The following HHAT variants were observed in gnomAD, a reference collection of about 807,000 sequenced individuals.
HHAT encodes protein-cysteine N-palmitoyltransferase HHAT.
A neutral mutation model predicts 70.8 loss-of-function variants in HHAT; 47 were observed. The observed-to-expected ratio is 0.66, with a 90% confidence interval of 0.53 to 0.85. The LOEUF (loss-of-function observed/expected upper bound fraction) is 0.85, where lower values mean the gene tolerates loss of function less well. HHAT is among the 40% of genes least tolerant of loss of function. The pLI is 0.00. For synonymous variants in HHAT, 228 were observed against 247.6 expected (o/e 0.92, Z 0.74); for missense variants, 609 against 604.8 (o/e 1.01, Z -0.07).
chr1:210,541,933 T>C (rs1196339490), intron 9 of HHAT, among the ~76,000 whole-genome samples: 3 of 152,148 alleles, frequency 2.0e-5, no homozygotes, highest in Non-Finnish European at 4.4e-5. Context: ...GTTTCTGCAC[T>C]GGCCAGGGAG....
chr1:210,366,469 A>C (rs568196942), intron 3 of HHAT, among the ~76,000 whole-genome samples: 108 of 152,264 alleles, frequency 7.1e-4, no homozygotes, highest in Non-Finnish European at 1.3e-3. Context: ...TAAAAATACA[A>C]AAATTACAGC....
intron 9 of HHAT, among the ~76,000 whole-genome samples, chr1:210,525,680 A>G (rs12402332): frequency 0.019 from 2,845 of 152,338 alleles, 39 homozygotes; most frequent in Non-Finnish European, 0.026. Context: ...ATTGAGATGC[A>G]TAATTTAGTT....
chr1:210,586,298 G>GGT (rs1660428006), intron 9 of HHAT, among the ~76,000 whole-genome samples: 1 of 152,086 alleles, frequency 6.6e-6, no homozygotes, highest in East Asian at 1.9e-4. Flanking sequence ...AAATTAGCTG[G>GGT]GTGTGGTGGT....
At chr1:210,443,061 A>G (rs551903113) in intron 7 of HHAT, among the ~76,000 whole-genome samples, 3 of 152,320 alleles carry the variant, frequency 2.0e-5, no homozygotes, top group Admixed American at 1.3e-4. Flanking sequence ...CTTCCTACAT[A>G]TGGCTAGCCA....
chr1:210,574,281 C>T (rs1286517360), intron 9 of HHAT, among the ~76,000 whole-genome samples: 1 of 152,110 alleles, frequency 6.6e-6, no homozygotes, highest in African/African-American at 2.4e-5. Flanking sequence ...TGGCCAGGAG[C>T]CTTCTGTGGC....
intron 8 of HHAT, among the ~76,000 whole-genome samples, chr1:210,512,555 A>G (rs1283268836): frequency 1.3e-5 from 2 of 151,274 alleles, no homozygotes; most frequent in Non-Finnish European, 1.5e-5. Context: ...ACCTGTAGTC[A>G]CAGCTACTCT....
chr1:210,673,157 G>T (rs1025934358), intron 11 of HHAT, among the ~76,000 whole-genome samples: 40 of 152,226 alleles, frequency 2.6e-4, no homozygotes, highest in East Asian at 1.9e-4. Context: ...CCTCTTGGCT[G>T]CTGGCGCCTT....
At chr1:210,402,854 T>TC (rs1190849025) in intron 5 of HHAT, among the ~76,000 whole-genome samples, 1 of 152,190 alleles carries the variant, frequency 6.6e-6, no homozygotes, top group Admixed American at 6.5e-5. Context: ...GTGCCCTGCA[T>TC]CAACACAGTG....
At chr1:210,662,553 C>T (rs1314456825) in intron 11 of HHAT, among the ~76,000 whole-genome samples, 1 of 152,196 alleles carries the variant, frequency 6.6e-6, no homozygotes, top group Non-Finnish European at 1.5e-5. Context: ...TGTGTTATGA[C>T]TGTGCAGCCT....
rs2148994334 is a variant in HHAT, at chr1:210,675,471, T to C, written c.*1092T>C. 1 of 152,262 alleles carries C rather than the reference T, an allele frequency of 6.6e-6. No homozygotes were observed. 9.4% of individuals were successfully genotyped at this position (152,262 alleles called of 1,614,324 possible). On this transcript the variant is annotated 3_prime_UTR_variant, in exon 12 of 12. Coordinates refer to ENST00000261458, the MANE Select transcript of HHAT (RefSeq NM_018194.6). ...AAGACTTGTTTGAATTTGGATTTTTTTTTTTTTTGGAGTGGGGAAGGGTAT... is the reference window on the plus strand; with the variant it reads ...AAGACTTGTTTGAATTTGGATTTTTCTTTTTTTTGGAGTGGGGAAGGGTAT...
chr1:210,588,017 G>A lies in HHAT; in HGVS notation c.1163G>A (p.Trp388Ter). 5.6e-6 allele frequency: 9 copies of A among 1,614,018 alleles called. No individual in the cohort carries two copies. The highest frequency in any genetic ancestry group is 7.6e-6 in the Non-Finnish European group (9 of 1,179,984). Residue 388 changes from tryptophan to a stop codon, truncating the protein, a stop_gained, in exon 10 of 12, where the codon TGG becomes TAG. Coordinates refer to ENST00000261458, the MANE Select transcript of HHAT (RefSeq NM_018194.6). LOFTEE classifies it high-confidence loss of function. ...GGCGGCTACGACTACCTCTGGTGCT[G>A]GGCAGCGCTCAACTGGCTGGGAGTC... ...WHGGYDYLWC[W>*]AALNWLGVTV...
chr1:210,330,654 C>T (rs1409363062), intron 1 of HHAT, among the ~76,000 whole-genome samples: 1 of 152,090 alleles, frequency 6.6e-6, no homozygotes, highest in Non-Finnish European at 1.5e-5. Flanking sequence ...ATGGGCCTTA[C>T]CTGCACCCCC....
At chr1:210,472,374 T>C (rs761490683) in intron 8 of HHAT, among the ~76,000 whole-genome samples, 5 of 151,990 alleles carry the variant, frequency 3.3e-5, no homozygotes, top group Admixed American at 1.3e-4. Flanking sequence ...AGCAAGTGAG[T>C]GGTGGAGCTG....
intron 9 of HHAT, among the ~76,000 whole-genome samples, chr1:210,565,386 C>T (rs967611000): frequency 2.0e-5 from 3 of 152,148 alleles, no homozygotes; most frequent in East Asian, 1.9e-4. Flanking sequence ...CTGGCATGTT[C>T]CTGTACATCT....
chr1:210,392,762 C>T (rs1017500127), intron 4 of HHAT, among the ~76,000 whole-genome samples: 3 of 152,096 alleles, frequency 2.0e-5, no homozygotes, highest in African/African-American at 2.4e-5. Flanking sequence ...TCCATTCTAT[C>T]CTTAGGTCTA....
chr1:210,343,326 CT>C (rs1357121290), intron 1 of HHAT, among the ~76,000 whole-genome samples: 1 of 152,170 alleles, frequency 6.6e-6, no homozygotes, highest in Non-Finnish European at 1.5e-5. Flanking sequence ...TCTTCTTCCC[CT>C]GGCCCCTTCC....
intron 8 of HHAT, among the ~76,000 whole-genome samples, chr1:210,473,226 A>T (rs994271285): frequency 2.0e-5 from 3 of 152,166 alleles, no homozygotes; most frequent in Non-Finnish European, 2.9e-5. Context: ...GTAATGCTAT[A>T]CTAGAGTCAG....
chr1:210,489,080 C>T (rs376431119), intron 8 of HHAT, among the ~76,000 whole-genome samples: 2 of 152,180 alleles, frequency 1.3e-5, no homozygotes, highest in Admixed American at 6.6e-5. Flanking sequence ...TCTTAAGTAA[C>T]GTTCTTTCTA....
At chr1:210,453,337 C>T (rs966758182) in intron 7 of HHAT, among the ~76,000 whole-genome samples, 1 of 152,166 alleles carries the variant, frequency 6.6e-6, no homozygotes, top group East Asian at 1.9e-4. Flanking sequence ...CCTAAAGCTA[C>T]TCTGGGATTT....
Sources: gnomAD v4.1 joint callset for allele counts (sites outside exome capture counted in the v4.1 genomes callset) on GRCh38, gnomAD v4.1.1 for gene constraint, MANE v1.5 for transcripts, NCBI Gene and HGNC (gene_info 2026-07-23, HGNC 2026-07-21) for gene names.